Variants in PRDM16 observed in about 807,000 individuals in gnomAD.
PRDM16 encodes histone-lysine N-methyltransferase PRDM16.
Under a neutral mutation model 110.6 loss-of-function variants are expected in PRDM16, and 23 were observed. That is an observed-to-expected ratio of 0.21 (90% CI 0.15 to 0.29). The LOEUF (loss-of-function observed/expected upper bound fraction) is 0.29. Ranked by LOEUF, PRDM16 falls within the 10% of genes least tolerant of loss-of-function variation. The pLI, the probability that PRDM16 is intolerant of heterozygous loss-of-function variation, is 1.00. For missense variants in PRDM16, 1,615 were observed against 1,794.3 expected (o/e 0.90, Z 1.81); for synonymous variants, 799 against 781.8 (o/e 1.02, Z -0.37).
At chr1:3,366,099 A>G (rs1258492453) in intron 3 of PRDM16, among the ~76,000 whole-genome samples, 1 of 152,246 alleles carries the variant, frequency 6.6e-6, no homozygotes, top group African/African-American at 2.4e-5. Flanking sequence ...CGAAGAGGTG[A>G]GGCTAAGAAA....
chr1:3,349,460 G>C (rs534102647), intron 3 of PRDM16, among the ~76,000 whole-genome samples: 1 of 152,272 alleles, frequency 6.6e-6, no homozygotes, highest in South Asian at 2.1e-4. Context: ...TGCACTGCCC[G>C]TCTCCACCCA....
rs1347334506 is a variant in PRDM16, at chr1:3,246,843, T to C, written c.438+2706T>C. Among the ~76,000 whole-genome samples, 4 of 151,888 alleles carry C rather than the reference T, an allele frequency of 2.6e-5. No individual in the cohort carries two copies. Among genetic ancestry groups the C allele is most frequent in the African/African-American group, 9.7e-5 (4 of 41,326 alleles). On this transcript the variant is annotated intron_variant, in intron 3 of 16. Coordinates refer to ENST00000270722, the MANE Select transcript of PRDM16 (RefSeq NM_022114.4). This position sits in a 1 kb window ranked among gnomAD's most constrained non-coding sequence, Gnocchi z 5.2. ...GTTGGGGCTGAGAGACTGAGAGACATGAGCTAAAATTCAAAGGCAAAGTCT... is the reference window on the plus strand; with the variant it reads ...GTTGGGGCTGAGAGACTGAGAGACACGAGCTAAAATTCAAAGGCAAAGTCT...
At position 3,244,005 on chromosome 1, in the gene PRDM16, T is replaced by A; in HGVS notation, c.388-82T>A. 4 of 1,421,968 alleles carry A rather than the reference T, an allele frequency of 2.8e-6. No homozygotes were observed. In the South Asian group the frequency reaches 4.6e-5, roughly 16 times the overall value. 88.1% of individuals were successfully genotyped at this position (1,421,968 alleles called of 1,614,324 possible). A position where few individuals can be genotyped will look rare whatever the true frequency, so the allele number is the denominator to read the frequency against. On this transcript the variant is annotated intron_variant, in intron 2 of 16. Transcript: ENST00000270722. The surrounding 1 kb of genome is among the most constrained non-coding windows in gnomAD (Gnocchi z 4.1). ...CCCTGTGACTTTTGGGGACAGTGGT[T>A]CTGCCCCCACCATTTAGAACCCAGT...
chr1:3,263,902 C>T (rs1640226014), intron 3 of PRDM16, among the ~76,000 whole-genome samples: 1 of 152,226 alleles, frequency 6.6e-6, no homozygotes, highest in African/African-American at 2.4e-5. Flanking sequence ...GTCCTTCCTT[C>T]AGTCGACGCC....
rs116390663 is a variant in PRDM16 at position 3,305,500 on chromosome 1, A to G, written c.438+61363A>G. Among the ~76,000 whole-genome samples, 1,321 of 152,276 alleles carry G rather than the reference A, an allele frequency of 8.7e-3. 31 individuals carry two copies. Among genetic ancestry groups the G allele is most frequent in the African/African-American group, 0.03 (1,265 of 41,546 alleles). ...GTAAGCGGATGCTCCTTTGGTGACCATTTCCCATCTGTTTGCCCACTCGTC... is the reference window on the plus strand; with the variant it reads ...GTAAGCGGATGCTCCTTTGGTGACCGTTTCCCATCTGTTTGCCCACTCGTC... On this transcript the variant is annotated intron_variant, in intron 3 of 16. Coordinates refer to ENST00000270722, the MANE Select transcript of PRDM16 (RefSeq NM_022114.4).
intron 8 of PRDM16, among the ~76,000 whole-genome samples, chr1:3,410,822 A>C (rs1430369598): frequency 1.3e-5 from 2 of 152,166 alleles, no homozygotes; most frequent in African/African-American, 4.8e-5. Flanking sequence ...AGACACCATC[A>C]CATGCATTCG....
chr1:3,330,514 C>T (rs1455648293), intron 3 of PRDM16, among the ~76,000 whole-genome samples: 3 of 152,198 alleles, frequency 2.0e-5, no homozygotes, highest in African/African-American at 7.2e-5. Flanking sequence ...CCCTCGCTCC[C>T]TAGGCATCCC....
intron 3 of PRDM16, among the ~76,000 whole-genome samples, chr1:3,377,243 C>T (rs1042256889): frequency 6.6e-6 from 1 of 152,182 alleles, no homozygotes; most frequent in Non-Finnish European, 1.5e-5. Context: ...TTCTGGGGAG[C>T]CTCCTGGCAG....
At chr1:3,071,924 G>A (rs1204433148) in intron 1 of PRDM16, among the ~76,000 whole-genome samples, 1 of 152,242 alleles carries the variant, frequency 6.6e-6, no homozygotes, top group Non-Finnish European at 1.5e-5. Flanking sequence ...CAGTTCAGGT[G>A]GGTTAGTCCT....
rs370195954 is a variant in PRDM16, at chr1:3,430,953, C to T, written c.3366C>T (p.Asp1122=). The T allele has an allele frequency of 3.2e-5, 51 of 1,613,456 alleles. No individual in the cohort carries two copies. Among genetic ancestry groups the T allele is most frequent in the African/African-American group, 2.7e-4 (20 of 75,032 alleles). ...SEKQEDVEEE[D]DDDLEEDDED... ...AGCAGGAGGACGTGGAGGAGGAGGACGACGATGACCTGGAGGAGGACGATG... is the reference window on the plus strand; with the variant it reads ...AGCAGGAGGACGTGGAGGAGGAGGATGACGATGACCTGGAGGAGGACGATG... The change falls in exon 15 of 17, where the codon GAC becomes GAT. Residue 1122 remains aspartate, a synonymous_variant. Transcript: ENST00000270722.
At chr1:3,138,221 G>A (rs57655556) in intron 1 of PRDM16, among the ~76,000 whole-genome samples, 3,149 of 152,292 alleles carry the variant, frequency 0.021, 93 homozygotes, top group African/African-American at 0.072. Context: ...CCCTCCCAGC[G>A]CAACCACGGG....
chr1:3,403,985 A>G (rs1643517308), intron 6 of PRDM16, among the ~76,000 whole-genome samples: 1 of 152,202 alleles, frequency 6.6e-6, no homozygotes. Context: ...GCCGCTCAAG[A>G]GGGTCCGTGT....
At position 3,437,155 on chromosome 1, in the gene PRDM16, G is replaced by A. The variant is rs1638930019; in HGVS notation, c.*3344G>A. On this transcript the variant is annotated 3_prime_UTR_variant, in exon 17 of 17. Coordinates refer to ENST00000270722, the MANE Select transcript of PRDM16 (RefSeq NM_022114.4). ...GCCCTGGGGTGTGGAGCAGTGGCTG[G>A]GGTGGGCGTGGTGTGGCCTGAGAGA... 4.3e-6 allele frequency: 1 copy of A among 231,836 alleles called. No individual in the cohort carries two copies. The highest frequency in any genetic ancestry group is 1.8e-4 in the South Asian group (1 of 5,516). The allele number at this position is 231,836 out of a possible 1,614,324, so 14.4% of individuals were successfully genotyped here.
At chr1:3,109,885 C>T (rs1186013634) in intron 1 of PRDM16, among the ~76,000 whole-genome samples, 1 of 152,252 alleles carries the variant, frequency 6.6e-6, no homozygotes, top group African/African-American at 2.4e-5. Context: ...CACCTCTTTC[C>T]AGACACAGAC....
intron 1 of PRDM16, among the ~76,000 whole-genome samples, chr1:3,153,294 G>C (rs182581716): frequency 1.0e-3 from 156 of 152,380 alleles, no homozygotes; most frequent in East Asian, 1.9e-4. Flanking sequence ...CGTGGGCCTG[G>C]GGAGCTAAAG....
intron 1 of PRDM16, chr1:3,128,037 C>T (rs1335068060): frequency 1.9e-5 from 3 of 154,880 alleles, no homozygotes; most frequent in Non-Finnish European, 4.4e-5. Flanking sequence ...GTGCTTCCAT[C>T]CACTTCAGAG....
At chr1:3,172,585 G>A (rs890692269) in intron 1 of PRDM16, among the ~76,000 whole-genome samples, 8 of 152,080 alleles carry the variant, frequency 5.3e-5, no homozygotes, top group African/African-American at 1.2e-4. Flanking sequence ...AGCCAAAGGC[G>A]GCACCCACAT....
At chr1:3,090,874 C>T (rs555080689) in intron 1 of PRDM16, among the ~76,000 whole-genome samples, 2 of 152,302 alleles carry the variant, frequency 1.3e-5, no homozygotes, top group East Asian at 1.9e-4. Context: ...GGCTCCGAGC[C>T]GAAAGCAGAA....
intron 3 of PRDM16, among the ~76,000 whole-genome samples, chr1:3,281,357 C>A (rs555263615): frequency 5.9e-5 from 9 of 152,312 alleles, no homozygotes; most frequent in African/African-American, 2.2e-4. Context: ...GACGCCCACC[C>A]CAGCCATGGT....
Sources: gnomAD v4.1 joint callset for allele counts (sites outside exome capture counted in the v4.1 genomes callset) on GRCh38, gnomAD v4.1.1 for gene constraint, Gnocchi (gnomAD v3.1) non-coding constraint, MANE v1.5 for transcripts, NCBI Gene and HGNC (gene_info 2026-07-23, HGNC 2026-07-21) for gene names.